Variants in SPHK2 observed in about 807,000 individuals in gnomAD.
The protein encoded by SPHK2 is sphingosine kinase 2.
In SPHK2, 18 loss-of-function variants were observed where a neutral mutation model predicts 32.3. That is an observed-to-expected ratio of 0.56 (90% CI 0.39 to 0.83). The LOEUF (loss-of-function observed/expected upper bound fraction) is 0.83, where lower values mean the gene tolerates loss of function less well. Ranked by LOEUF, SPHK2 falls within the 40% of genes least tolerant of loss-of-function variation. SPHK2 has a pLI of 0.00. For missense variants in SPHK2, 850 were observed against 908.7 expected (o/e 0.94, Z 0.83); for synonymous variants, 462 against 417.6 (o/e 1.11, Z -1.30).
Position 48,630,391 on chromosome 19 carries a change from G to A in SPHK2, c.*618G>A. The A allele has an allele frequency of 7.3e-7, 1 of 1,375,742 alleles. No homozygotes were observed. The highest frequency in any genetic ancestry group is 1.5e-5 in the African/African-American group (1 of 67,498). The allele number at this position is 1,375,742 out of a possible 1,614,324, so 85.2% of individuals were successfully genotyped here. Reference sequence around the variant, plus strand: ...AAAGGTCTATGCAATAAAGGCAGTCGCTTCATTCCTCTCAGACCTTCTGCC... The same window carrying A: ...AAAGGTCTATGCAATAAAGGCAGTCACTTCATTCCTCTCAGACCTTCTGCC... On this transcript the variant is annotated 3_prime_UTR_variant, in exon 7 of 7. Transcript: ENST00000245222. The surrounding 1 kb of genome is among the most constrained non-coding windows in gnomAD (Gnocchi z 4.9).
Position 48,627,708 on chromosome 19 carries a change from G to A in SPHK2, c.528G>A (p.Leu176=). The A allele has an allele frequency of 6.2e-7, 1 of 1,602,276 alleles. No individual in the cohort carries two copies. The change falls in exon 4 of 7, where the codon CTG becomes CTA. Residue 176 remains leucine (L), a synonymous_variant. Coordinates refer to ENST00000245222, the MANE Select transcript of SPHK2 (RefSeq NM_020126.5). ...LPGDGEITPD[L]LPRPPRLLLL... is the part of the protein sequence containing the mutation. ...TCTCCACAGAGATCACCCCTGACCT[G>A]CTACCTCGGCCGCCCCGGTTGCTTC... is the stretch of plus-strand genomic sequence containing the variant.
At chr19:48,625,857 G>A (rs1241396185) in intron 2 of SPHK2, 34 bp from the exon 3 acceptor site, 1 of 1,602,234 alleles carries the variant, frequency 6.2e-7, no homozygotes, top group Admixed American at 1.7e-5. Context: ...ATGGGGTCCT[G>A]AATTCTCACC....
chr19:48,619,715 A>T (rs1373093628), intron 1 of SPHK2, 172 bp downstream of exon 1: 1 of 161,910 alleles, frequency 6.2e-6, no homozygotes, highest in Non-Finnish European at 1.4e-5. Flanking sequence ...ATCTTGCTGC[A>T]CCTCAATCTA....
chr19:48,624,855 G>A (rs1974541941), intron 2 of SPHK2: 13 of 967,638 alleles, frequency 1.3e-5, no homozygotes, highest in Non-Finnish European at 1.4e-5. Flanking sequence ...AGTTCCTAAG[G>A]GTGAGTCCAC....
Position 48,627,673 on chromosome 19 carries a change from C to A in SPHK2, c.512-19C>A. On this transcript the variant is annotated intron_variant, in intron 3 of 6. Transcript: ENST00000245222. ...GGCCTGGGTCACTGGCCTCTGCAGA[C>A]CCTAACCTCTCTCCACAGAGATCAC... 1 of 1,564,858 alleles carries A rather than the reference C, an allele frequency of 6.4e-7. No homozygotes were observed. The highest frequency in any genetic ancestry group is 8.7e-7 in the Non-Finnish European group (1 of 1,154,418).
At position 48,625,942 on chromosome 19, in the gene SPHK2, C is replaced by T. The variant is rs1323534791; in HGVS notation, c.91C>T (p.Leu31=). 2 of 1,612,048 alleles carry T rather than the reference C, an allele frequency of 1.2e-6. No individual in the cohort carries two copies. Among genetic ancestry groups the T allele is most frequent in the East Asian group, 2.2e-5 (1 of 44,862 alleles). Residue 31 remains leucine (L), a synonymous_variant, in exon 3 of 7, where the codon CTG becomes TTG. Transcript: ENST00000245222. ...CTGGGGCCACGGGCCTAGGAGCACC[C>T]TGGTCAGGGCTAAGGCCATGGCCCC... ...GSWGHGPRST[L]VRAKAMAPPP... is the part of the protein sequence containing the mutation.
intron 1 of SPHK2, among the ~76,000 whole-genome samples, chr19:48,620,149 G>A (rs995330840): frequency 1.3e-5 from 2 of 152,158 alleles, no homozygotes; most frequent in African/African-American, 4.8e-5. Context: ...GATTATGAAA[G>A]TTAATAAAAC....
chr19:48,622,655 G>A (rs1455131735), intron 2 of SPHK2, among the ~76,000 whole-genome samples: 7 of 151,608 alleles, frequency 4.6e-5, no homozygotes, highest in South Asian at 2.1e-4. Context: ...CCTTCTCTCC[G>A]TGTCATTCCT....
In SPHK2 at chr19:48,629,000, A is replaced by G; in HGVS notation, c.1192A>G (p.Lys398Glu). ...CCCTGCCCATAGCCTGCCTCGTGCC[A>G]AGTCGGAGCTGACCCTAACCCCAGA... Reference protein sequence around the residue: ...PTPAHSLPRAKSELTLTPDPA... With the variant: ...PTPAHSLPRAESELTLTPDPA... Residue 398 changes from lysine to glutamate, a missense_variant, in exon 7 of 7, where the codon AAG (lysine) becomes GAG (glutamate). Physicochemically the swap from Lys to Glu is moderately conservative, Grantham distance 56 (BLOSUM62 1). This residue lies in a region of SPHK2 where 544 missense variants were observed against 640.0 expected (regional missense o/e 0.85). Coordinates refer to ENST00000245222, the MANE Select transcript of SPHK2 (RefSeq NM_020126.5). This position sits in a 1 kb window ranked among gnomAD's most constrained non-coding sequence, Gnocchi z 5.2. The G allele has an allele frequency of 3.1e-6, 5 of 1,613,264 alleles. No individual in the cohort carries two copies. Among genetic ancestry groups the G allele is most frequent in the Non-Finnish European group, 3.4e-6 (4 of 1,179,870 alleles).
chr19:48,624,838 C>T, intron 2 of SPHK2: 1 of 892,068 alleles, frequency 1.1e-6, no homozygotes, highest in South Asian at 5.2e-5. Flanking sequence ...GATAGGGGGG[C>T]AGATGTAGTT....
At chr19:48,624,113 T>G (rs1480711969) in intron 2 of SPHK2, 1 of 152,186 alleles carries the variant, frequency 6.6e-6, no homozygotes, top group Non-Finnish European at 1.5e-5. Flanking sequence ...ACAGGCCCAC[T>G]CTCCCTTAAC....
intron 2 of SPHK2, chr19:48,624,523 G>C (rs1339631561): frequency 1.3e-5 from 2 of 152,414 alleles, no homozygotes; most frequent in Non-Finnish European, 2.9e-5. Context: ...CTGGGGCACC[G>C]GGGTGGGAGA....
intron 2 of SPHK2, among the ~76,000 whole-genome samples, chr19:48,621,875 G>C (rs1173263239): frequency 1.3e-5 from 2 of 152,164 alleles, no homozygotes; most frequent in African/African-American, 2.4e-5. Context: ...CACAGTTAGA[G>C]AAACAGGGTC....
chr19:48,628,148 C>T lies in SPHK2; in HGVS notation c.757-14C>T. 2.5e-6 allele frequency: 4 copies of T among 1,608,590 alleles called. No individual in the cohort carries two copies. Among genetic ancestry groups the T allele is most frequent in the Non-Finnish European group, 3.4e-6 (4 of 1,176,624 alleles). On this transcript the variant is annotated splice_polypyrimidine_tract_variant and intron_variant, in intron 5 of 6. Transcript: ENST00000245222. The surrounding 1 kb of genome is among the most constrained non-coding windows in gnomAD (Gnocchi z 5.2). ...TGCCACCAGGACCCAGGCTTCTGGT[C>T]TCCCACCCTCCAGGTGCTGAACGGG...
chr19:48,630,162 G>C lies in SPHK2; in HGVS notation c.*389G>C, dbSNP rs1033295382. The C allele has an allele frequency of 1.6e-6, 2 of 1,241,630 alleles. No individual in the cohort carries two copies. Among genetic ancestry groups the C allele is most frequent in the Non-Finnish European group, 2.0e-6 (2 of 990,272 alleles). 76.9% of individuals were successfully genotyped at this position (1,241,630 alleles called of 1,614,324 possible). On this transcript the variant is annotated 3_prime_UTR_variant, in exon 7 of 7. Transcript: ENST00000245222. The surrounding 1 kb of genome is among the most constrained non-coding windows in gnomAD (Gnocchi z 4.9). ...TACTGGCTGGGGTAGGCCTCAGTGA[G>C]TCGGCCGGTCAGGGCCCGCAGCCTC...
At chr19:48,625,142 G>T in intron 2 of SPHK2, 1 of 995,504 alleles carries the variant, frequency 1.0e-6, no homozygotes, top group Non-Finnish European at 1.2e-6. Flanking sequence ...GCTCCTCTCG[G>T]ACCCCGTAGT....
At chr19:48,624,815 G>A (rs1158745687) in intron 2 of SPHK2, 14 of 828,952 alleles carry the variant, frequency 1.7e-5, no homozygotes, top group Non-Finnish European at 2.0e-5. Flanking sequence ...CTGGACCCGA[G>A]AGAGCCGCTG....
At chr19:48,625,524 C>A in intron 2 of SPHK2, 1 of 1,251,968 alleles carries the variant, frequency 8.0e-7, no homozygotes, top group South Asian at 1.5e-5. Flanking sequence ...ATCACCCAAC[C>A]ACCTGTATAT....
rs1372722447 is a variant in SPHK2, at chr19:48,626,248, C to T, written c.397C>T (p.Arg133Cys). 1.5e-5 allele frequency: 24 copies of T among 1,595,284 alleles called. No individual in the cohort carries two copies. The highest frequency in any genetic ancestry group is 1.6e-4 in the Middle Eastern group (1 of 6,070). Residue 133 changes from arginine (R) to cysteine (C), a missense_variant, in exon 3 of 7, where the codon CGC (arginine) becomes TGC (cysteine). Physicochemically the swap from Arg to Cys is radical, Grantham distance 180. Around this residue, in one of 2 missense-constraint regions of SPHK2, gnomAD observed 544 missense variants for 640.0 expected, o/e 0.85. Coordinates refer to ENST00000245222, the MANE Select transcript of SPHK2 (RefSeq NM_020126.5). ...GRRGARRRAT[R>C]TFRADGAATY... Reference sequence around the variant, plus strand: ...GCGCGGGGCCCGGCGCAGAGCCACTCGCACCTTCCGGGCAGATGGGGCCGC... The same window carrying T: ...GCGCGGGGCCCGGCGCAGAGCCACTTGCACCTTCCGGGCAGATGGGGCCGC...
Sources: allele counts gnomAD v4.1 joint callset (sites outside exome capture counted in the v4.1 genomes callset), GRCh38; gene constraint gnomAD v4.1.1; regional missense constraint gnomAD v4.1.1; non-coding constraint Gnocchi (gnomAD v3.1); transcripts MANE v1.5; gene names NCBI Gene and HGNC (gene_info 2026-07-23, HGNC 2026-07-21).